EPHA5: variants seen among roughly 807,000 people sequenced by gnomAD.
EPHA5 encodes the protein EPH receptor A5.
EPHA5 carries 60 observed loss-of-function variants against 105.0 expected under a neutral mutation model. That is an observed-to-expected ratio of 0.57 (90% CI 0.46 to 0.71). EPHA5 has a LOEUF of 0.71. Among genes scored for constraint, EPHA5 ranks in the 30% least tolerant of loss-of-function variants. The pLI, the probability that EPHA5 is intolerant of heterozygous loss-of-function variation, is 0.00. For missense variants in EPHA5, 1,218 were observed against 1,274.7 expected (o/e 0.96, Z 0.68); for synonymous variants, 513 against 449.1 (o/e 1.14, Z -1.80).
intron 5 of EPHA5, among the ~76,000 whole-genome samples, chr4:65,446,616 A>T (rs1020399688): frequency 5.9e-5 from 9 of 152,218 alleles, no homozygotes; most frequent in Admixed American, 5.9e-4. Flanking sequence ...AAGGAAATGA[A>T]TTATAACTTA....
chr4:65,610,113 A>T (rs941483554), intron 2 of EPHA5, among the ~76,000 whole-genome samples: 1 of 151,230 alleles, frequency 6.6e-6, no homozygotes, highest in South Asian at 2.1e-4. Context: ...CGAACAGGAT[A>T]AAAAAATGTG....
intron 3 of EPHA5, among the ~76,000 whole-genome samples, chr4:65,540,644 AACAATTAT>A (rs1200307956): frequency 1.3e-5 from 2 of 151,408 alleles, no homozygotes; most frequent in Admixed American, 1.3e-4. Context: ...CCACTAATCA[AACAATTAT>A]TAAAATACTG....
Position 65,527,882 on chromosome 4 carries a change from C to A in EPHA5, c.911-32339G>T, listed in dbSNP as rs886314756. 2.2e-4 allele frequency among the ~76,000 whole-genome samples: 34 copies of A among 151,972 alleles called. 1 individual carries two copies. Among genetic ancestry groups the A allele is most frequent in the African/African-American group, 8.2e-4 (34 of 41,396 alleles). ...CGAAAGGCCCCAGTGAGTGTTGTTC[C>A]CCTCTACGTGTCCGTTTGTTCTCAT... On this transcript the variant is annotated intron_variant, in intron 3 of 16. Coordinates refer to ENST00000613740, the MANE Select transcript of EPHA5 (RefSeq NM_001281766.3).
intron 1 of EPHA5, among the ~76,000 whole-genome samples, chr4:65,657,931 T>G (rs1032455097): frequency 6.6e-6 from 1 of 150,530 alleles, no homozygotes; most frequent in Non-Finnish European, 1.5e-5. Context: ...GATATTTTAC[T>G]GCCAGTTTTT....
At chr4:65,405,717 G>C (rs1472209268) in intron 7 of EPHA5, among the ~76,000 whole-genome samples, 1 of 151,958 alleles carries the variant, frequency 6.6e-6, no homozygotes, top group East Asian at 1.9e-4. Flanking sequence ...ATATACAATA[G>C]TATTACCCTG....
intron 2 of EPHA5, among the ~76,000 whole-genome samples, chr4:65,633,345 T>A (rs1560799551): frequency 6.7e-6 from 1 of 149,800 alleles, no homozygotes. Context: ...TCACAGGAAT[T>A]GAAAACAGCT....
At chr4:65,453,525 G>C (rs958924245) in intron 5 of EPHA5, among the ~76,000 whole-genome samples, 1 of 152,142 alleles carries the variant, frequency 6.6e-6, no homozygotes, top group African/African-American at 2.4e-5. Flanking sequence ...TAAGATCTCA[G>C]GAGCTGGGTA....
chr4:65,472,772 A>C (rs1358828316), intron 5 of EPHA5, among the ~76,000 whole-genome samples: 2 of 152,092 alleles, frequency 1.3e-5, no homozygotes, highest in African/African-American at 4.8e-5. Flanking sequence ...CCTTCTCTTC[A>C]CAAGCCAGGA....
chr4:65,622,354 T>C (rs1158516828), intron 2 of EPHA5, among the ~76,000 whole-genome samples: 1 of 152,050 alleles, frequency 6.6e-6, no homozygotes, highest in Non-Finnish European at 1.5e-5. Flanking sequence ...CACTTCAGCT[T>C]ATTTCATATA....
intron 3 of EPHA5, among the ~76,000 whole-genome samples, chr4:65,566,901 C>T (rs1244210076): frequency 2.6e-5 from 4 of 151,444 alleles, no homozygotes; most frequent in East Asian, 1.9e-4. Flanking sequence ...ATTTTTATAA[C>T]GGAGGCTTGT....
intron 5 of EPHA5, among the ~76,000 whole-genome samples, chr4:65,429,866 T>C (rs1040637543): frequency 3.9e-4 from 60 of 152,198 alleles, no homozygotes; most frequent in African/African-American, 1.3e-3. Flanking sequence ...GGCTACAGAA[T>C]GACTGGGAGA....
At chr4:65,643,084 T>C (rs567254085) in intron 2 of EPHA5, among the ~76,000 whole-genome samples, 7 of 152,182 alleles carry the variant, frequency 4.6e-5, no homozygotes, top group African/African-American at 1.7e-4. Flanking sequence ...GTTGTTTTAA[T>C]GTGAACTTTT....
chr4:65,537,756 A>C (rs1578368623), intron 3 of EPHA5, among the ~76,000 whole-genome samples: 1 of 151,724 alleles, frequency 6.6e-6, no homozygotes, highest in African/African-American at 2.4e-5. Flanking sequence ...TTATTTTAAA[A>C]TTTTTTAAAT....
chr4:65,610,256 A>C (rs1744640196), intron 2 of EPHA5, among the ~76,000 whole-genome samples: 1 of 152,180 alleles, frequency 6.6e-6, no homozygotes, highest in Non-Finnish European at 1.5e-5. Context: ...GGAGGCCATC[A>C]TCCTAAGCAA....
intron 1 of EPHA5, among the ~76,000 whole-genome samples, chr4:65,662,955 C>T (rs558527675): frequency 1.9e-4 from 29 of 152,202 alleles, no homozygotes; most frequent in African/African-American, 6.7e-4. Flanking sequence ...CATTTTATCA[C>T]TGAGAGACAC....
chr4:65,506,671 T>C (rs1281462270), intron 3 of EPHA5, among the ~76,000 whole-genome samples: 2 of 149,326 alleles, frequency 1.3e-5, no homozygotes, highest in Non-Finnish European at 3.0e-5. Flanking sequence ...AAATGTCTTC[T>C]TTTGAGAAGT....
intron 3 of EPHA5, among the ~76,000 whole-genome samples, chr4:65,578,509 T>C (rs941637522): frequency 2.0e-5 from 3 of 152,186 alleles, no homozygotes; most frequent in African/African-American, 7.2e-5. Flanking sequence ...ATGCTCTAAA[T>C]GGTCTGAGCC....
rs921324166 is a variant in EPHA5 at position 65,322,844 on chromosome 4, G to GTA, written c.*1268_*1269dup. On this transcript the variant is annotated 3_prime_UTR_variant, in exon 17 of 17. Coordinates refer to ENST00000613740, the MANE Select transcript of EPHA5 (RefSeq NM_001281766.3). ...TATATATATTTGTGTGTGTGTATGT[G>GTA]TATATATATATATTTGTCATAATTC... 52 of 226,402 alleles carry GTA rather than the reference G, an allele frequency of 2.3e-4. No individual in the cohort carries two copies. The highest frequency in any genetic ancestry group is 3.7e-4 in the South Asian group (2 of 5,448). 14.0% of individuals were successfully genotyped at this position (226,402 alleles called of 1,614,324 possible). A position where few individuals can be genotyped will look rare whatever the true frequency, so the allele number is the denominator to read the frequency against.
intron 5 of EPHA5, among the ~76,000 whole-genome samples, chr4:65,442,468 A>C (rs1315216606): frequency 6.6e-6 from 1 of 152,100 alleles, no homozygotes; most frequent in Non-Finnish European, 1.5e-5. Flanking sequence ...GTTTATGTCA[A>C]CCAGTCTATG....
Sources: gnomAD v4.1 joint callset for allele counts (sites outside exome capture counted in the v4.1 genomes callset) on GRCh38, gnomAD v4.1.1 for gene constraint, MANE v1.5 for transcripts, NCBI Gene and HGNC (gene_info 2026-07-23, HGNC 2026-07-21) for gene names.